Variants in TNIK observed in about 807,000 individuals in gnomAD.
TNIK encodes the protein TRAF2 and NCK interacting kinase.
TNIK carries 49 observed loss-of-function variants against 191.3 expected under a neutral mutation model. The observed-to-expected ratio is 0.26, with a 90% confidence interval of 0.20 to 0.32. The LOEUF (loss-of-function observed/expected upper bound fraction) is 0.32, where lower values mean the gene tolerates loss of function less well. Ranked by LOEUF, TNIK falls within the 10% of genes least tolerant of loss-of-function variation. TNIK has a pLI of 1.00. For missense variants in TNIK, 1,155 were observed against 1,702.3 expected, an observed-to-expected ratio of 0.68 and a Z score of 5.66; for synonymous variants, 594 against 600.9, an observed-to-expected ratio of 0.99 and a Z score of 0.17.
chr3:171,459,849 C>T (rs1373739422), intron 1 of TNIK, among the ~76,000 whole-genome samples, 158 bp downstream of exon 1: 1 of 152,098 alleles, frequency 6.6e-6, no homozygotes, highest in African/African-American at 2.4e-5. Flanking sequence ...GCCAGGAGCA[C>T]CTCAGCAACC....
intron 1 of TNIK, among the ~76,000 whole-genome samples, chr3:171,402,430 A>G (rs1178774881): frequency 6.6e-6 from 1 of 152,220 alleles, no homozygotes; most frequent in Non-Finnish European, 1.5e-5. Flanking sequence ...CCCTTTCACA[A>G]TGCTAGTTGT....
intron 18 of TNIK, among the ~76,000 whole-genome samples, chr3:171,123,161 T>TC (rs1345787437): frequency 2.0e-5 from 3 of 152,234 alleles, no homozygotes; most frequent in African/African-American, 7.2e-5. Context: ...AATTGCTTTG[T>TC]AATGTCTCAA....
At position 171,317,993 on chromosome 3, in the gene TNIK, A is replaced by G. The variant is rs1211882535; in HGVS notation, c.123+51627T>C. 1.3e-5 allele frequency among the ~76,000 whole-genome samples: 2 copies of G among 152,184 alleles called. 1 individual carries two copies. The highest frequency in any genetic ancestry group is 4.1e-4 in the South Asian group (2 of 4,826). ...GTGCTTATTACTACTATAGTGCTTG[A>G]CATTTAGAAAGCATCTAATTCTTAA... On this transcript the variant is annotated intron_variant, in intron 2 of 32. Transcript: ENST00000436636.
intron 12 of TNIK, among the ~76,000 whole-genome samples, chr3:171,146,585 C>T (rs752912358): frequency 2.4e-4 from 36 of 152,214 alleles, no homozygotes; most frequent in African/African-American, 8.2e-4. Flanking sequence ...CTGAAGACCA[C>T]GTAGCAGCGC....
intron 2 of TNIK, among the ~76,000 whole-genome samples, chr3:171,248,841 T>TAA (rs1362011178): frequency 8.0e-5 from 12 of 150,806 alleles, no homozygotes; most frequent in African/African-American, 3.0e-4. Context: ...ATGGCAAGGC[T>TAA]AAAGTTTCAA....
intron 6 of TNIK, among the ~76,000 whole-genome samples, chr3:171,190,105 A>G (rs1429672786): frequency 2.6e-5 from 4 of 152,206 alleles, no homozygotes; most frequent in Non-Finnish European, 4.4e-5. Flanking sequence ...TGCATGTGGT[A>G]ATTCTCTATT....
intron 2 of TNIK, among the ~76,000 whole-genome samples, chr3:171,341,559 T>C (rs1022823873): frequency 6.6e-6 from 1 of 150,822 alleles, no homozygotes; most frequent in Non-Finnish European, 1.5e-5. Flanking sequence ...TCTCAGCTTT[T>C]TGTTTTTTGT....
chr3:171,174,699 G>A (rs779331449), intron 9 of TNIK, among the ~76,000 whole-genome samples: 1 of 152,130 alleles, frequency 6.6e-6, no homozygotes. Flanking sequence ...TTTTATGTAA[G>A]TTTATCAAAA....
chr3:171,350,453 C>T (rs1712964492), intron 2 of TNIK, among the ~76,000 whole-genome samples: 2 of 152,120 alleles, frequency 1.3e-5, no homozygotes, highest in Non-Finnish European at 2.9e-5. Context: ...TAGATGACTA[C>T]ATCTGATAAT....
intron 17 of TNIK, among the ~76,000 whole-genome samples, chr3:171,125,195 G>A (rs1320703743): frequency 1.3e-5 from 2 of 152,080 alleles, no homozygotes; most frequent in East Asian, 1.9e-4. Flanking sequence ...GGAAGAATCC[G>A]ATGCAAAAAA....
At chr3:171,175,207 A>G (rs1735820220) in intron 9 of TNIK, 45 bp downstream of exon 9, 2 of 1,572,460 alleles carry the variant, frequency 1.3e-6, no homozygotes, top group Non-Finnish European at 8.7e-7. Context: ...GAATCACAAG[A>G]AAACCTCACC....
chr3:171,366,732 G>A lies in TNIK; in HGVS notation c.123+2888C>T, dbSNP rs1020851260. On this transcript the variant is annotated intron_variant, in intron 2 of 32. Coordinates refer to ENST00000436636, the MANE Select transcript of TNIK (RefSeq NM_015028.4). The surrounding 1 kb of genome is among the most constrained non-coding windows in gnomAD (Gnocchi z 4.1). Reference sequence around the variant, plus strand: ...AATCAAAGGCTTAGCATTTGATATGGTTTGGCTGTGTCCCCAACCAAATTT... The same window carrying A: ...AATCAAAGGCTTAGCATTTGATATGATTTGGCTGTGTCCCCAACCAAATTT... 9.9e-5 allele frequency among the ~76,000 whole-genome samples: 15 copies of A among 152,162 alleles called. No homozygotes were observed. The highest frequency in any genetic ancestry group is 2.2e-4 in the Non-Finnish European group (15 of 68,034).
intron 1 of TNIK, among the ~76,000 whole-genome samples, chr3:171,438,915 A>C (rs1726388310): frequency 6.6e-6 from 1 of 152,202 alleles, no homozygotes; most frequent in South Asian, 2.1e-4. Flanking sequence ...TCAAAGTTTC[A>C]GAGTCCTATG....
At chr3:171,234,986 A>C (rs1744086576) in intron 2 of TNIK, among the ~76,000 whole-genome samples, 1 of 152,160 alleles carries the variant, frequency 6.6e-6, no homozygotes. Flanking sequence ...ATACCACAGA[A>C]TTACCACAAT....
intron 2 of TNIK, among the ~76,000 whole-genome samples, chr3:171,278,490 A>G (rs1750038551): frequency 6.6e-6 from 1 of 151,830 alleles, no homozygotes; most frequent in Non-Finnish European, 1.5e-5. Flanking sequence ...AAAAAAGATA[A>G]AAAAAATTTA....
intron 3 of TNIK, among the ~76,000 whole-genome samples, chr3:171,221,802 G>C (rs1240212780): frequency 1.3e-5 from 2 of 152,044 alleles, no homozygotes; most frequent in African/African-American, 4.8e-5. Context: ...CTGTAATTGA[G>C]GTGGTAAAGA....
chr3:171,386,485 C>T (rs752055305), intron 1 of TNIK, among the ~76,000 whole-genome samples: 3 of 152,114 alleles, frequency 2.0e-5, no homozygotes, highest in Non-Finnish European at 2.9e-5. Context: ...TCAGTCAGTC[C>T]ACCAGAATCT....
intron 4 of TNIK, among the ~76,000 whole-genome samples, chr3:171,208,627 G>T (rs971213344): frequency 6.6e-6 from 1 of 151,562 alleles, no homozygotes; most frequent in Non-Finnish European, 1.5e-5. Flanking sequence ...ACACTATCTC[G>T]GCTTACTGCA....
intron 7 of TNIK, among the ~76,000 whole-genome samples, chr3:171,181,870 A>C (rs1736692272): frequency 6.6e-6 from 1 of 152,244 alleles, no homozygotes; most frequent in African/African-American, 2.4e-5. Flanking sequence ...GTGATAATAC[A>C]CATACAGCAG....
Sources: allele counts gnomAD v4.1 joint callset (sites outside exome capture counted in the v4.1 genomes callset), GRCh38; gene constraint gnomAD v4.1.1; non-coding constraint Gnocchi (gnomAD v3.1); transcripts MANE v1.5; gene names NCBI Gene and HGNC (gene_info 2026-07-23, HGNC 2026-07-21).